The following PRKG1 variants were observed in gnomAD, a reference collection of about 807,000 sequenced individuals.
PRKG1 encodes the protein cGMP-dependent protein kinase 1.
A neutral mutation model predicts 88.1 loss-of-function variants in PRKG1; 35 were observed. That is an observed-to-expected ratio of 0.40 (90% CI 0.30 to 0.53). PRKG1 has a LOEUF of 0.53. PRKG1 is among the 20% of genes least tolerant of loss of function. PRKG1 has a pLI of 0.59. For synonymous variants in PRKG1, 303 were observed against 292.5 expected (o/e 1.04, Z -0.37); for missense variants, 540 against 839.8 (o/e 0.64, Z 4.41).
chr10:51,704,781 T>C (rs192529809), intron 3 of PRKG1, among the ~76,000 whole-genome samples: 2 of 152,272 alleles, frequency 1.3e-5, no homozygotes, highest in East Asian at 3.9e-4. Context: ...GGACAGATTA[T>C]AAAAGGTTTT....
chr10:51,864,849 T>C (rs1162863538), intron 4 of PRKG1, among the ~76,000 whole-genome samples: 2 of 152,230 alleles, frequency 1.3e-5, no homozygotes, highest in African/African-American at 4.8e-5. Context: ...ACTTGATATT[T>C]ATTTTCTGTA....
chr10:51,147,349 T>C (rs1028316744), intron 1 of PRKG1, among the ~76,000 whole-genome samples: 4 of 152,144 alleles, frequency 2.6e-5, no homozygotes, highest in Middle Eastern at 6.3e-3. Flanking sequence ...TTACCCTGAC[T>C]TGATCATTAC....
intron 3 of PRKG1, among the ~76,000 whole-genome samples, chr10:51,692,049 G>C (rs897396674): frequency 6.6e-6 from 1 of 152,094 alleles, no homozygotes; most frequent in Non-Finnish European, 1.5e-5. Context: ...CCAAAGATAG[G>C]AAATATATTG....
In PRKG1 at chr10:51,410,880, A is replaced by G. The variant is rs376043340; in HGVS notation, c.479-56843A>G. The stretch of plus-strand genomic sequence containing the variant: ...ATATTTACATTGAAATATATTTTAT[A>G]TTTATATTTATTTTAATGGCTACAC... On this transcript the variant is annotated intron_variant, in intron 2 of 17. Coordinates refer to ENST00000373980, the MANE Select transcript of PRKG1 (RefSeq NM_006258.4). Among the ~76,000 whole-genome samples the G allele has an allele frequency of 6.6e-5, 10 of 151,820 alleles. No homozygotes were observed. The East Asian group carries it at 1.7e-3, about 26-fold the overall frequency.
chr10:51,545,351 G>T (rs1842420964), intron 3 of PRKG1, among the ~76,000 whole-genome samples: 1 of 151,964 alleles, frequency 6.6e-6, no homozygotes, highest in Non-Finnish European at 1.5e-5. Flanking sequence ...CTATACCTTG[G>T]CCTGGTATTA....
At chr10:52,132,393 G>T (rs985251188) in intron 7 of PRKG1, among the ~76,000 whole-genome samples, 1 of 151,972 alleles carries the variant, frequency 6.6e-6, no homozygotes, top group Non-Finnish European at 1.5e-5. Flanking sequence ...TCTGAAAAAA[G>T]GATTTTAGTA....
intron 2 of PRKG1, among the ~76,000 whole-genome samples, chr10:51,294,342 G>T (rs578260279): frequency 3.1e-4 from 47 of 152,164 alleles, no homozygotes; most frequent in African/African-American, 9.6e-4. Context: ...GTAGTTTTAT[G>T]GTTTCAGGCC....
chr10:52,058,893 AG>A (rs1185846783), intron 6 of PRKG1, among the ~76,000 whole-genome samples: 1 of 151,966 alleles, frequency 6.6e-6, no homozygotes, highest in African/African-American at 2.4e-5. Context: ...TTATTTGAAA[AG>A]TACACGTCTT....
intron 3 of PRKG1, among the ~76,000 whole-genome samples, chr10:51,603,928 G>A (rs893660911): frequency 2.0e-5 from 3 of 152,232 alleles, no homozygotes; most frequent in East Asian, 3.9e-4. Context: ...CTGTCACGCT[G>A]GGATGGTGCA....
intron 2 of PRKG1, among the ~76,000 whole-genome samples, chr10:51,195,452 G>A (rs917073574): frequency 1.3e-5 from 2 of 152,124 alleles, no homozygotes; most frequent in African/African-American, 4.8e-5. Flanking sequence ...AGTAACAAGT[G>A]TCACATTCTG....
intron 7 of PRKG1, among the ~76,000 whole-genome samples, chr10:52,125,525 A>T (rs1480945204): frequency 6.6e-6 from 1 of 151,996 alleles, no homozygotes; most frequent in Non-Finnish European, 1.5e-5. Context: ...ATATCCCAAG[A>T]CCTCCAGTGG....
chr10:51,871,982 T>G (rs1302188139), intron 4 of PRKG1, among the ~76,000 whole-genome samples: 12 of 152,198 alleles, frequency 7.9e-5, no homozygotes. Flanking sequence ...TTAGTACCCT[T>G]AATGGACTTT....
chr10:51,483,736 A>G (rs1840440975), intron 3 of PRKG1, among the ~76,000 whole-genome samples: 1 of 152,178 alleles, frequency 6.6e-6, no homozygotes, highest in Non-Finnish European at 1.5e-5. Context: ...CATCTAAACT[A>G]TGAAGATTTC....
rs548713255 is a variant in PRKG1, at chr10:51,783,730, T to C, written c.593-20855T>C. ...TGTGTTGTAAGAACCCTCCAGGGGA[T>C]TTTGATTACCTCTCAAGTTTGAGAA... is the stretch of plus-strand genomic sequence containing the variant. On this transcript the variant is annotated intron_variant, in intron 3 of 17. Coordinates refer to ENST00000373980, the MANE Select transcript of PRKG1 (RefSeq NM_006258.4). 8.3e-4 allele frequency among the ~76,000 whole-genome samples: 126 copies of C among 152,178 alleles called. 5 individuals are homozygous for C. In the South Asian group the frequency reaches 0.025, roughly 30 times the overall value.
At chr10:51,023,561 T>A (rs1458138915) in intron 1 of PRKG1, among the ~76,000 whole-genome samples, 7 of 152,236 alleles carry the variant, frequency 4.6e-5, no homozygotes, top group Admixed American at 6.5e-5. Context: ...TGCACTGATT[T>A]TTCTCTTTTT....
chr10:51,899,694 T>TAC (rs1554853535), intron 4 of PRKG1, among the ~76,000 whole-genome samples: 1,788 of 142,764 alleles, frequency 0.013, 48 homozygotes, highest in African/African-American at 0.044. Flanking sequence ...TATATATATA[T>TAC]ACAAATTTCT....
intron 3 of PRKG1, among the ~76,000 whole-genome samples, chr10:51,763,906 T>C (rs897228318): frequency 1.3e-4 from 20 of 152,146 alleles, no homozygotes; most frequent in Admixed American, 1.3e-3. Context: ...CTCTCCTTTT[T>C]CTTATAAAGC....
chr10:51,648,314 T>A (rs1839962442), intron 3 of PRKG1, among the ~76,000 whole-genome samples: 1 of 152,316 alleles, frequency 6.6e-6, no homozygotes, highest in African/African-American at 2.4e-5. Context: ...AAGAAAATCA[T>A]GAATTTTTAA....
In PRKG1 at chr10:51,374,093, A is replaced by AATATAT. The variant is rs58198784; in HGVS notation, c.479-93615_479-93610dup. Among the ~76,000 whole-genome samples the AATATAT allele has an allele frequency of 3.1e-4, 31 of 100,184 alleles. 1 individual carries two copies. Among genetic ancestry groups the AATATAT allele is most frequent in the East Asian group, 3.1e-3 (12 of 3,914 alleles). The allele number at this position is 100,184 out of a possible 152,430, so 65.7% of individuals were successfully genotyped here. On this transcript the variant is annotated intron_variant, in intron 2 of 17. Transcript: ENST00000373980. Reference sequence around the variant, plus strand: ...GCTGGCAGAGGTTGCAAAAAAAAAAAATATATATATATATATATATGTACT... The same window carrying AATATAT: ...GCTGGCAGAGGTTGCAAAAAAAAAAAATATATATATATATATATATATATATGTACT...
Sources: gnomAD v4.1 joint callset for allele counts (sites outside exome capture counted in the v4.1 genomes callset) on GRCh38, gnomAD v4.1.1 for gene constraint, MANE v1.5 for transcripts, NCBI Gene and HGNC (gene_info 2026-07-23, HGNC 2026-07-21) for gene names.